CDH13: variants seen among roughly 807,000 people sequenced by gnomAD.
The protein encoded by CDH13 is cadherin-13.
In CDH13, 24 loss-of-function variants were observed where a neutral mutation model predicts 63.8. That is an observed-to-expected ratio of 0.38 (90% CI 0.27 to 0.53). The LOEUF is 0.53. Among genes scored for constraint, CDH13 ranks in the 20% least tolerant of loss-of-function variants. CDH13 has a pLI of 0.85. For missense variants in CDH13, 1,049 were observed against 903.1 expected (o/e 1.16, Z -2.07); for synonymous variants, 503 against 355.3 (o/e 1.42, Z -4.67).
At chr16:83,246,319 C>A (rs560701222) in intron 5 of CDH13, among the ~76,000 whole-genome samples, 1 of 152,132 alleles carries the variant, frequency 6.6e-6, no homozygotes, top group African/African-American at 2.4e-5. Flanking sequence ...TTATAATTTT[C>A]CCCCTGATTC....
intron 13 of CDH13, among the ~76,000 whole-genome samples, chr16:83,788,708 C>G (rs1412647440): frequency 6.6e-6 from 1 of 152,182 alleles, no homozygotes; most frequent in African/African-American, 2.4e-5. Context: ...AAGACAGGCA[C>G]AGGTACACTA....
chr16:83,782,650 C>T (rs1006148823), intron 12 of CDH13, among the ~76,000 whole-genome samples: 1 of 150,370 alleles, frequency 6.7e-6, no homozygotes, highest in Non-Finnish European at 1.5e-5. Flanking sequence ...GCAGGAGAAT[C>T]ATTTGAACCC....
At chr16:82,952,331 C>A (rs1308840490) in intron 2 of CDH13, among the ~76,000 whole-genome samples, 1 of 152,140 alleles carries the variant, frequency 6.6e-6, no homozygotes, top group Non-Finnish European at 1.5e-5. Flanking sequence ...CTCTGATAAA[C>A]CTCATTGGCT....
intron 8 of CDH13, among the ~76,000 whole-genome samples, chr16:83,613,543 T>G (rs1321920486): frequency 6.6e-6 from 1 of 152,150 alleles, no homozygotes; most frequent in African/African-American, 2.4e-5. Context: ...TTGATTTAAT[T>G]ACACTCAGGC....
At chr16:83,776,409 A>G (rs1915116859) in intron 11 of CDH13, among the ~76,000 whole-genome samples, 1 of 152,226 alleles carries the variant, frequency 6.6e-6, no homozygotes, top group South Asian at 2.1e-4. Context: ...GTAATTATGC[A>G]TTTCTTTTGA....
chr16:82,970,642 A>G lies in CDH13; in HGVS notation c.158-61368A>G, dbSNP rs1316912779. 4.3e-5 allele frequency among the ~76,000 whole-genome samples: 5 copies of G among 116,570 alleles called. 1 individual carries two copies. The highest frequency in any genetic ancestry group is 8.5e-5 in the Admixed American group (1 of 11,792). The allele number at this position is 116,570 out of a possible 152,430, so 76.5% of individuals were successfully genotyped here. ...TCTCAATCTCCTGACCTCATGATCC[A>G]CCCGCCTCGGCCTCCCAAAGTGCCA... On this transcript the variant is annotated intron_variant, in intron 2 of 13. Coordinates refer to ENST00000567109, the MANE Select transcript of CDH13 (RefSeq NM_001257.5).
At chr16:83,729,221 T>G (rs764795723) in intron 10 of CDH13, among the ~76,000 whole-genome samples, 1 of 152,162 alleles carries the variant, frequency 6.6e-6, no homozygotes, top group Non-Finnish European at 1.5e-5. Context: ...GATATATTAT[T>G]TATGTGCATA....
intron 10 of CDH13, among the ~76,000 whole-genome samples, chr16:83,734,748 A>AATAATAATAATG (rs1555522508): frequency 1.3e-5 from 2 of 149,448 alleles, no homozygotes; most frequent in Non-Finnish European, 3.0e-5. Context: ...TAATAATAAT[A>AATAATAATAATG]ATAATAAAAA....
chr16:83,713,408 T>C (rs548369912), intron 10 of CDH13, among the ~76,000 whole-genome samples: 3 of 152,188 alleles, frequency 2.0e-5, no homozygotes, highest in South Asian at 4.2e-4. Flanking sequence ...GTAATGAGCA[T>C]TGCATTCTTT....
intron 1 of CDH13, among the ~76,000 whole-genome samples, chr16:82,799,759 C>T (rs1354353418): frequency 1.3e-5 from 2 of 152,034 alleles, no homozygotes; most frequent in Non-Finnish European, 2.9e-5. Flanking sequence ...GGAAAAGTGC[C>T]AACAATGTGG....
At chr16:82,923,552 T>G (rs1278987946) in intron 2 of CDH13, among the ~76,000 whole-genome samples, 2 of 152,188 alleles carry the variant, frequency 1.3e-5, no homozygotes, top group Admixed American at 6.5e-5. Context: ...TGGAATCTAG[T>G]GGGGCATCAG....
intron 10 of CDH13, among the ~76,000 whole-genome samples, chr16:83,679,317 A>G: frequency 6.6e-6 from 1 of 152,216 alleles, no homozygotes; most frequent in Non-Finnish European, 1.5e-5. Flanking sequence ...TCTGCAGAAG[A>G]AAGTTATTAA....
In CDH13 at chr16:83,796,442, G is replaced by C. The variant is rs1359914061; in HGVS notation, c.*1412G>C. 6.6e-6 allele frequency: 1 copy of C among 152,222 alleles called. No individual in the cohort carries two copies. Among genetic ancestry groups the C allele is most frequent in the Admixed American group, 6.5e-5 (1 of 15,280 alleles). The allele number at this position is 152,222 out of a possible 1,614,324, so 9.4% of individuals were successfully genotyped here. ...CACTTGTGCTTTCAGTTAGCCTTCT[G>C]TAGGAAGTAGAAGTCATATGTTGTC... is the stretch of plus-strand genomic sequence containing the variant. On this transcript the variant is annotated 3_prime_UTR_variant, in exon 14 of 14. Transcript: ENST00000567109.
chr16:82,874,318 G>A (rs914680531), intron 2 of CDH13, among the ~76,000 whole-genome samples: 5 of 151,966 alleles, frequency 3.3e-5, no homozygotes, highest in African/African-American at 7.3e-5. Flanking sequence ...AACCTTAGTC[G>A]TGCTAAGATG....
intron 1 of CDH13, among the ~76,000 whole-genome samples, chr16:82,785,930 C>G (rs2035980419): frequency 6.6e-6 from 1 of 152,210 alleles, no homozygotes. Context: ...GTTCTTATCC[C>G]TGATGCACGT....
intron 3 of CDH13, among the ~76,000 whole-genome samples, chr16:83,054,019 C>T (rs1051463733): frequency 6.6e-6 from 1 of 152,126 alleles, no homozygotes; most frequent in Admixed American, 6.5e-5. Context: ...TGTTTAAATA[C>T]ACAAATACCA....
At chr16:83,252,473 T>C (rs1007504075) in intron 5 of CDH13, among the ~76,000 whole-genome samples, 10 of 152,098 alleles carry the variant, frequency 6.6e-5, no homozygotes, top group African/African-American at 2.2e-4. Context: ...CTTGTGCTTA[T>C]GGAGAACATT....
chr16:82,754,977 T>C lies in CDH13; in HGVS notation c.46-103385T>C, dbSNP rs570422967. Reference sequence around the variant, plus strand: ...TAAGGAGAAACTCAAGCCAATGCTGTAGTTGCAAAGTTCTCCTTACTATTA... The same window carrying C: ...TAAGGAGAAACTCAAGCCAATGCTGCAGTTGCAAAGTTCTCCTTACTATTA... On this transcript the variant is annotated intron_variant, in intron 1 of 13. Transcript: ENST00000567109. Among the ~76,000 whole-genome samples, 7 of 152,360 alleles carry C rather than the reference T, an allele frequency of 4.6e-5. No individual in the cohort carries two copies. The South Asian group carries it at 1.2e-3, about 27-fold the overall frequency.
chr16:82,661,085 G>T (rs1027059733), intron 1 of CDH13, among the ~76,000 whole-genome samples: 1 of 152,166 alleles, frequency 6.6e-6, no homozygotes, highest in Admixed American at 6.5e-5. Context: ...AGTGATGGTG[G>T]CCCAGGGGCC....
Sources: gnomAD v4.1 joint callset for allele counts (sites outside exome capture counted in the v4.1 genomes callset) on GRCh38, gnomAD v4.1.1 for gene constraint, MANE v1.5 for transcripts, NCBI Gene and HGNC (gene_info 2026-07-23, HGNC 2026-07-21) for gene names.